MORF4L1: variants seen among roughly 807,000 people sequenced by gnomAD.
MORF4L1 encodes the protein mortality factor 4 like 1, also known as mortality factor 4-like protein 1.
A neutral mutation model predicts 52.9 loss-of-function variants in MORF4L1; 4 were observed. That is an observed-to-expected ratio of 0.08 (90% CI 0.04 to 0.17). The LOEUF is 0.17. Among genes scored for constraint, MORF4L1 ranks in the 10% least tolerant of loss-of-function variants. The pLI is 1.00. For missense variants in MORF4L1, 214 were observed against 390.4 expected, an observed-to-expected ratio of 0.55 and a Z score of 3.81; for synonymous variants, 123 against 134.8, an observed-to-expected ratio of 0.91 and a Z score of 0.61.
At chr15:78,890,442 C>A (rs1237886843) in intron 5 of MORF4L1, among the ~76,000 whole-genome samples, 1 of 151,138 alleles carries the variant, frequency 6.6e-6, no homozygotes, top group African/African-American at 2.4e-5. Context: ...TAATATAACC[C>A]TGGAAGAACG....
Position 78,873,076 on chromosome 15 carries a change from G to A in MORF4L1, c.40+19G>A, listed in dbSNP as rs1567293241. 4 of 1,550,344 alleles carry A rather than the reference G, an allele frequency of 2.6e-6. No homozygotes were observed. Among genetic ancestry groups the A allele is most frequent in the East Asian group, 2.4e-5 (1 of 40,924 alleles). ...CAGGAGGGTGAGTGTGCGCCTTTGG[G>A]AAAAAGGCACCTAACGGCGCAGGAG... On this transcript the variant is annotated intron_variant, in intron 1 of 11. Transcript: ENST00000426013.
intron 3 of MORF4L1, among the ~76,000 whole-genome samples, chr15:78,884,191 A>T: frequency 7.2e-6 from 1 of 139,282 alleles, no homozygotes. Context: ...GCGACAGAGC[A>T]AGACTCCATC....
At chr15:78,888,347 G>T (rs572923266) in intron 5 of MORF4L1, among the ~76,000 whole-genome samples, 1 of 151,842 alleles carries the variant, frequency 6.6e-6, no homozygotes, top group African/African-American at 2.4e-5. Context: ...CATGCTTGTA[G>T]TCCCACCTAT....
intron 1 of MORF4L1, chr15:78,873,363 G>A (rs1470893703): frequency 1.6e-6 from 1 of 619,306 alleles, no homozygotes. Flanking sequence ...GCAGCCTATT[G>A]TAGGGAGGCG....
In MORF4L1 at chr15:78,891,470, G is replaced by T. The variant is rs377011002; in HGVS notation, c.350-14G>T. The T allele has an allele frequency of 6.2e-7, 1 of 1,609,436 alleles. No homozygotes were observed. ...AATTAGCTAAATGAGACCCCTCCCCGCCAACATTTACAGCACCTGGAAATG... is the reference window on the plus strand; with the variant it reads ...AATTAGCTAAATGAGACCCCTCCCCTCCAACATTTACAGCACCTGGAAATG... On this transcript the variant is annotated splice_polypyrimidine_tract_variant and intron_variant, in intron 6 of 11. Coordinates refer to ENST00000426013, the MANE Select transcript of MORF4L1 (RefSeq NM_006791.4).
rs763266070 is a variant in MORF4L1 at position 78,895,014 on chromosome 15, ATAGT to A, written c.887+112_887+115del. On this transcript the variant is annotated intron_variant, in intron 11 of 11. Transcript: ENST00000426013. ...AAACATTATATTGGTACAGGCATAG[ATAGT>A]TGGTAATGGAGCAGTAAAAGTAAGT... is the stretch of plus-strand genomic sequence containing the variant. 7.2e-4 allele frequency: 597 copies of A among 834,562 alleles called. 1 individual carries two copies. Among genetic ancestry groups the A allele is most frequent in the Non-Finnish European group, 1.0e-3 (509 of 508,410 alleles). 51.7% of individuals were successfully genotyped at this position (834,562 alleles called of 1,614,324 possible). A position where few individuals can be genotyped will look rare whatever the true frequency, so the allele number is the denominator to read the frequency against.
At chr15:78,873,173 G>T (rs112901866) in intron 1 of MORF4L1, 116 bp downstream of exon 1, 1 of 1,530,872 alleles carries the variant, frequency 6.5e-7, no homozygotes, top group African/African-American at 1.4e-5. Context: ...AGAAGGCGGC[G>T]GTCAGTGCTT....
chr15:78,890,097 A>G (rs932811154), intron 5 of MORF4L1, among the ~76,000 whole-genome samples: 6 of 152,164 alleles, frequency 3.9e-5, no homozygotes, highest in African/African-American at 7.2e-5. Context: ...GTGGGTGCCT[A>G]TGGTCCCAGC....
intron 5 of MORF4L1, chr15:78,890,788 A>C: frequency 2.4e-6 from 1 of 416,498 alleles, no homozygotes; most frequent in African/African-American, 2.1e-5. Flanking sequence ...GGCTTGGTTT[A>C]TTTTTTTCTA....
At chr15:78,894,450 C>T (rs2056851827) in intron 10 of MORF4L1, 1 of 351,322 alleles carries the variant, frequency 2.8e-6, no homozygotes, top group African/African-American at 2.3e-5. Flanking sequence ...TCTCTGTTGC[C>T]CAGGCTGGAG....
At position 78,896,983 on chromosome 15, in the gene MORF4L1, G is replaced by T. The variant is rs768021688; in HGVS notation, c.888G>T (p.Lys296Asn). The change falls in exon 12 of 12, where the codon AAG (lysine) becomes AAT (asparagine). Residue 296 changes from lysine to asparagine, a missense_variant and splice_region_variant. This residue lies in a region of MORF4L1 where 30 missense variants were observed against 34.6 expected (regional missense o/e 0.87). Coordinates refer to ENST00000426013, the MANE Select transcript of MORF4L1 (RefSeq NM_006791.4). ...TTTGTAATGAATATTTTATTTTTAGGTACCTGGCAAAGAATTCTGCAACTT... is the reference window on the plus strand; with the variant it reads ...TTTGTAATGAATATTTTATTTTTAGTTACCTGGCAAAGAATTCTGCAACTT... Reference protein sequence around the residue: ...LLLNYLHDFLKYLAKNSATLF... With the variant: ...LLLNYLHDFLNYLAKNSATLF... 6.2e-7 allele frequency: 1 copy of T among 1,612,398 alleles called. No individual in the cohort carries two copies. Among genetic ancestry groups the T allele is most frequent in the Admixed American group, 1.7e-5 (1 of 59,976 alleles).
intron 6 of MORF4L1, 146 bp downstream of exon 6, chr15:78,891,160 A>G: frequency 9.6e-7 from 1 of 1,047,086 alleles, no homozygotes; most frequent in Non-Finnish European, 1.4e-6. Flanking sequence ...TAAAATAGGT[A>G]CATGGTGGTA....
In MORF4L1 at chr15:78,892,192, C is replaced by G. The variant is rs1315547265; in HGVS notation, c.439-20C>G. The G allele has an allele frequency of 6.5e-7, 1 of 1,541,780 alleles. No individual in the cohort carries two copies. The highest frequency in any genetic ancestry group is 8.9e-7 in the Non-Finnish European group (1 of 1,121,380). On this transcript the variant is annotated intron_variant, in intron 7 of 11. Coordinates refer to ENST00000426013, the MANE Select transcript of MORF4L1 (RefSeq NM_006791.4). Reference sequence around the variant, plus strand: ...AGCAAGAAAGGTTAGGTTTTTAATACTCCTCCTGTTTCTGTTTAGGAGGAA... The same window carrying G: ...AGCAAGAAAGGTTAGGTTTTTAATAGTCCTCCTGTTTCTGTTTAGGAGGAA...
At chr15:78,892,130 G>T in intron 7 of MORF4L1, 82 bp from the exon 8 acceptor site, 6 of 817,988 alleles carry the variant, frequency 7.3e-6, no homozygotes, top group South Asian at 3.2e-5. Context: ...TATCCCTAGT[G>T]CCTCTAAAAG....
At chr15:78,893,003 AT>A (rs1219852896) in intron 8 of MORF4L1, 1 of 153,758 alleles carries the variant, frequency 6.5e-6, no homozygotes, top group Non-Finnish European at 1.4e-5. Context: ...TGTATCACTT[AT>A]TATTTGTGAG....
chr15:78,889,964 G>A (rs1045616562), intron 5 of MORF4L1, among the ~76,000 whole-genome samples: 2 of 94,672 alleles, frequency 2.1e-5, no homozygotes, highest in African/African-American at 6.7e-5. Flanking sequence ...GGTGGCACAC[G>A]CCTGTAATAG....
rs200091467 is a variant in MORF4L1 at position 78,886,130 on chromosome 15, C to A, written c.156-11C>A. 3.1e-6 allele frequency: 5 copies of A among 1,609,300 alleles called. No homozygotes were observed. In the East Asian group the frequency reaches 1.1e-4, roughly 36 times the overall value. ...ATTTTTGAGTTAAATTTTAACTTTC[C>A]TCTTTTTCAGTTGGGATGAATGGGT... On this transcript the variant is annotated splice_polypyrimidine_tract_variant and intron_variant, in intron 3 of 11. Coordinates refer to ENST00000426013, the MANE Select transcript of MORF4L1 (RefSeq NM_006791.4).
intron 3 of MORF4L1, among the ~76,000 whole-genome samples, chr15:78,883,338 A>G (rs2056636983): frequency 6.6e-6 from 1 of 152,228 alleles, no homozygotes; most frequent in African/African-American, 2.4e-5. Flanking sequence ...GTAACTGTGA[A>G]TACAGCTTTT....
In MORF4L1 at chr15:78,891,023, A is replaced by G; in HGVS notation, c.349+9A>G. The G allele has an allele frequency of 6.8e-7, 1 of 1,475,814 alleles. No homozygotes were observed. The highest frequency in any genetic ancestry group is 9.2e-7 in the Non-Finnish European group (1 of 1,090,978). The allele number at this position is 1,475,814 out of a possible 1,614,324, so 91.4% of individuals were successfully genotyped here. A position where few individuals can be genotyped will look rare whatever the true frequency, so the allele number is the denominator to read the frequency against. ...AAAGAACAAACAGAAAAGTAAGAAT[A>G]TTAACTTTCTTAACGTTAATTTATG... On this transcript the variant is annotated intron_variant, in intron 6 of 11. Coordinates refer to ENST00000426013, the MANE Select transcript of MORF4L1 (RefSeq NM_006791.4).
Sources: allele counts gnomAD v4.1 joint callset (sites outside exome capture counted in the v4.1 genomes callset), GRCh38; gene constraint gnomAD v4.1.1; regional missense constraint gnomAD v4.1.1; transcripts MANE v1.5; gene names NCBI Gene and HGNC (gene_info 2026-07-23, HGNC 2026-07-21).